The following SH3RF2 variants were observed in gnomAD, a reference collection of about 807,000 sequenced individuals.
SH3RF2 encodes E3 ubiquitin-protein ligase SH3RF2.
In SH3RF2, 43 loss-of-function variants were observed where a neutral mutation model predicts 59.0. That is an observed-to-expected ratio of 0.73 (90% CI 0.57 to 0.94). The LOEUF (loss-of-function observed/expected upper bound fraction) is 0.94. Among genes scored for constraint, SH3RF2 ranks in the 40% least tolerant of loss-of-function variants. The pLI, the probability that SH3RF2 is intolerant of heterozygous loss-of-function variation, is 0.00. For synonymous variants in SH3RF2, 391 were observed against 391.5 expected (o/e 1.00, Z 0.01); for missense variants, 930 against 940.1 (o/e 0.99, Z 0.14).
chr5:146,004,676 G>A (rs1240408169), intron 4 of SH3RF2, among the ~76,000 whole-genome samples: 1 of 30,176 alleles, frequency 3.3e-5, no homozygotes, highest in Non-Finnish European at 8.5e-5. Context: ...AATATTTATG[G>A]AGAATAATAT....
At chr5:145,951,060 C>T (rs1023315639) in intron 2 of SH3RF2, among the ~76,000 whole-genome samples, 13 of 152,142 alleles carry the variant, frequency 8.5e-5, no homozygotes, top group East Asian at 1.9e-4. Flanking sequence ...GCAGAAGATA[C>T]GGAAACTTTG....
At chr5:146,056,293 G>A (rs1364345877) in intron 8 of SH3RF2, 80 bp downstream of exon 8, 2 of 1,588,412 alleles carry the variant, frequency 1.3e-6, no homozygotes, top group Admixed American at 3.6e-5. Context: ...GATGCTTTTT[G>A]CAAAAACAGG....
intron 5 of SH3RF2, among the ~76,000 whole-genome samples, chr5:146,045,306 A>G (rs933093919): frequency 1.3e-5 from 2 of 152,222 alleles, no homozygotes; most frequent in African/African-American, 2.4e-5. Flanking sequence ...GAATGGTTTC[A>G]TTCTTCTTAA....
chr5:146,010,989 CTTCTA>C (rs1760867524), intron 4 of SH3RF2, among the ~76,000 whole-genome samples: 1 of 152,060 alleles, frequency 6.6e-6, no homozygotes, highest in Non-Finnish European at 1.5e-5. Context: ...CCTAGGTTTT[CTTCTA>C]GGGTTTTTAT....
At chr5:145,972,340 T>C (rs775245493) in intron 2 of SH3RF2, among the ~76,000 whole-genome samples, 4 of 152,152 alleles carry the variant, frequency 2.6e-5, no homozygotes, top group Non-Finnish European at 5.9e-5. Flanking sequence ...AAAGGCTCTG[T>C]TTCTACTCTT....
At chr5:145,979,500 CT>C (rs1474992238) in intron 2 of SH3RF2, among the ~76,000 whole-genome samples, 1 of 152,192 alleles carries the variant, frequency 6.6e-6, no homozygotes, top group African/African-American at 2.4e-5. Context: ...TATCTTACTG[CT>C]CTAAGTAGTG....
intron 8 of SH3RF2, among the ~76,000 whole-genome samples, chr5:146,057,980 C>CTATATATATA (rs1196213101): frequency 7.7e-6 from 1 of 129,336 alleles, no homozygotes; most frequent in African/African-American, 2.8e-5. Flanking sequence ...ATCTATCTAT[C>CTATATATATA]TATCTATATA....
At chr5:145,999,469 G>T (rs1171843665) in intron 2 of SH3RF2, among the ~76,000 whole-genome samples, 1 of 152,124 alleles carries the variant, frequency 6.6e-6, no homozygotes, top group African/African-American at 2.4e-5. Flanking sequence ...GCCTATCTCA[G>T]CTTTAGTCAT....
intron 2 of SH3RF2, among the ~76,000 whole-genome samples, chr5:145,982,416 A>G (rs1318186383): frequency 6.6e-6 from 1 of 152,218 alleles, no homozygotes; most frequent in Non-Finnish European, 1.5e-5. Flanking sequence ...AAAGCCGAGG[A>G]TCCATGTCGA....
Position 146,062,933 on chromosome 5 carries a change from CT to C in SH3RF2, c.*234del. On this transcript the variant is annotated 3_prime_UTR_variant, in exon 10 of 10. Coordinates refer to ENST00000359120, the MANE Select transcript of SH3RF2 (RefSeq NM_152550.4). ...TAATGATTTGATGCCACAAAGCTCG[CT>C]TACTCAGACCAAGGAGTGAAAAATT... 1 of 574,448 alleles carries C rather than the reference CT, an allele frequency of 1.7e-6. No individual in the cohort carries two copies. Among genetic ancestry groups the C allele is most frequent in the Non-Finnish European group, 3.0e-6 (1 of 331,310 alleles). The allele number at this position is 574,448 out of a possible 1,614,324, so 35.6% of individuals were successfully genotyped here.
intron 4 of SH3RF2, among the ~76,000 whole-genome samples, chr5:146,010,087 T>C (rs1042276247): frequency 1.3e-5 from 2 of 152,074 alleles, no homozygotes; most frequent in African/African-American, 4.8e-5. Context: ...GTCCAAGTGT[T>C]CTCATTGTTC....
chr5:145,938,376 G>A lies in SH3RF2; in HGVS notation c.378+70G>A, dbSNP rs577199479. On this transcript the variant is annotated intron_variant, in intron 2 of 9. Coordinates refer to ENST00000359120, the MANE Select transcript of SH3RF2 (RefSeq NM_152550.4). ...GGATTTGTGTATACAAGGAGCTAGA[G>A]ATTATCTTCTTTTAGTTACATTCCA... 9 of 1,466,010 alleles carry A rather than the reference G, an allele frequency of 6.1e-6. No homozygotes were observed. The East Asian group carries it at 1.6e-4, about 26-fold the overall frequency. 90.8% of individuals were successfully genotyped at this position (1,466,010 alleles called of 1,614,324 possible).
chr5:146,012,195 G>A lies in SH3RF2; in HGVS notation c.745-1552G>A, dbSNP rs573509470. Among the ~76,000 whole-genome samples the A allele has an allele frequency of 2.6e-4, 40 of 152,226 alleles. No homozygotes were observed. In the South Asian group the frequency reaches 3.3e-3, roughly 13 times the overall value. Reference sequence around the variant, plus strand: ...TGCTGGATTACATTTATTGATTTGCGTATGTTGAACCAGCCTTGCACTTGA... The same window carrying A: ...TGCTGGATTACATTTATTGATTTGCATATGTTGAACCAGCCTTGCACTTGA... On this transcript the variant is annotated intron_variant, in intron 4 of 9. Coordinates refer to ENST00000359120, the MANE Select transcript of SH3RF2 (RefSeq NM_152550.4).
chr5:146,069,811 C>T (rs559580890), intron 9 of SH3RF2, among the ~76,000 whole-genome samples: 7 of 151,926 alleles, frequency 4.6e-5, no homozygotes, highest in African/African-American at 1.2e-4. Flanking sequence ...TGGGCTCTAC[C>T]GATCTGCCTG....
At chr5:145,947,159 T>C (rs1032353214) in intron 2 of SH3RF2, among the ~76,000 whole-genome samples, 3 of 148,730 alleles carry the variant, frequency 2.0e-5, no homozygotes, top group African/African-American at 7.3e-5. Context: ...CTCCCATATA[T>C]ATATATATAT....
intron 4 of SH3RF2, among the ~76,000 whole-genome samples, chr5:146,008,851 T>A (rs1015850504): frequency 6.6e-6 from 1 of 152,242 alleles, no homozygotes; most frequent in Admixed American, 6.5e-5. Context: ...AGTTTTCTTT[T>A]TCCAGAATGT....
At chr5:146,058,118 C>T (rs576015337) in intron 8 of SH3RF2, among the ~76,000 whole-genome samples, 1 of 152,168 alleles carries the variant, frequency 6.6e-6, no homozygotes, top group South Asian at 2.1e-4. Context: ...TTTGCAAAAC[C>T]TTGATTGGCA....
In SH3RF2 at chr5:145,938,035, G is replaced by A; in HGVS notation, c.107G>A (p.Cys36Tyr). ...LPCQHTFCKPCLQRVFKAHKE... is the reference protein window; with the variant it reads ...LPCQHTFCKPYLQRVFKAHKE... ...TGCCAGCACACCTTCTGCAAACCAT[G>A]TCTACAGAGGGTTTTCAAGGCCCAC... The change falls in exon 2 of 10, where the codon TGT becomes TAT. Residue 36 changes from cysteine to tyrosine, a missense_variant. By Grantham distance (194) the Cys-to-Tyr change is radical. Coordinates refer to ENST00000359120, the MANE Select transcript of SH3RF2 (RefSeq NM_152550.4). 3 of 1,614,250 alleles carry A rather than the reference G, an allele frequency of 1.9e-6. No homozygotes were observed. In the African/African-American group the frequency reaches 4.0e-5, roughly 22 times the overall value.
downstream of SH3RF2, among the ~76,000 whole-genome samples, chr5:146,064,807 GGAAAGAAAGAAAGAAAGAAA>G (rs1216580727): frequency 2.2e-3 from 41 of 18,314 alleles, no homozygotes; most frequent in South Asian, 0.045. Context: ...AAGGAAGGAA[GGAAAGAAAGAAAGAAAGAAA>G]GAAAGAAAGA....
Sources: gnomAD v4.1 joint callset for allele counts (sites outside exome capture counted in the v4.1 genomes callset) on GRCh38, gnomAD v4.1.1 for gene constraint, MANE v1.5 for transcripts, NCBI Gene and HGNC (gene_info 2026-07-23, HGNC 2026-07-21) for gene names.